Variants in MSRA observed in about 807,000 individuals in gnomAD.
The protein encoded by MSRA is methionine sulfoxide reductase A, also known as mitochondrial peptide methionine sulfoxide reductase.
A neutral mutation model predicts 31.3 loss-of-function variants in MSRA; 54 were observed. The observed-to-expected ratio is 1.73, with a 90% confidence interval of 1.39 to 2.17. The LOEUF (loss-of-function observed/expected upper bound fraction) is 2.17, where lower values mean the gene tolerates loss of function less well. MSRA is among the 30% of genes most tolerant of loss of function. The pLI, the probability that MSRA is intolerant of heterozygous loss-of-function variation, is 0.00. For synonymous variants in MSRA, 169 were observed against 116.5 expected, an observed-to-expected ratio of 1.45 and a Z score of -2.90; for missense variants, 507 against 300.9, an observed-to-expected ratio of 1.69 and a Z score of -5.07.
intron 1 of MSRA, among the ~76,000 whole-genome samples, chr8:10,087,437 G>C (rs927787787): frequency 6.6e-6 from 1 of 152,208 alleles, no homozygotes; most frequent in Non-Finnish European, 1.5e-5. Context: ...GTTGTTCAGA[G>C]AGTGCTGGAG....
intron 3 of MSRA, among the ~76,000 whole-genome samples, chr8:10,254,524 C>G (rs10099182): frequency 6.6e-5 from 10 of 152,038 alleles, no homozygotes; most frequent in Non-Finnish European, 1.5e-4. Context: ...TAGTTTCTTG[C>G]CATGACCACT....
At chr8:10,412,700 A>T (rs1463020120) in intron 5 of MSRA, among the ~76,000 whole-genome samples, 1 of 152,214 alleles carries the variant, frequency 6.6e-6, no homozygotes, top group South Asian at 2.1e-4. Context: ...ACAGAAGGCA[A>T]ATAGGAACGT....
chr8:10,426,134 C>T (rs144240931), intron 5 of MSRA, among the ~76,000 whole-genome samples: 2 of 152,330 alleles, frequency 1.3e-5, no homozygotes, highest in East Asian at 3.9e-4. Context: ...TACTCCATTT[C>T]CAAGGAGGTC....
chr8:10,084,632 T>C (rs1350490702), intron 1 of MSRA, among the ~76,000 whole-genome samples: 3 of 152,204 alleles, frequency 2.0e-5, no homozygotes, highest in Non-Finnish European at 4.4e-5. Context: ...TGCCTTAGTT[T>C]CCTAGGGTGA....
chr8:10,191,590 T>C (rs1807509331), intron 1 of MSRA, among the ~76,000 whole-genome samples: 1 of 152,214 alleles, frequency 6.6e-6, no homozygotes, highest in Admixed American at 6.5e-5. Flanking sequence ...GGTTCAGAAA[T>C]GCCTGTTTTA....
At chr8:10,210,950 G>A (rs886677185) in intron 2 of MSRA, among the ~76,000 whole-genome samples, 2 of 151,586 alleles carry the variant, frequency 1.3e-5, no homozygotes, top group Non-Finnish European at 2.9e-5. Context: ...TGGCCAGGCT[G>A]GTCTCGAACT....
intron 5 of MSRA, among the ~76,000 whole-genome samples, chr8:10,413,382 C>G (rs774875154): frequency 3.1e-4 from 47 of 152,036 alleles, no homozygotes; most frequent in Non-Finnish European, 2.6e-4. Context: ...AGAATTAGTC[C>G]AAGAAAGTCA....
chr8:10,130,574 C>G (rs1251328298), intron 1 of MSRA, among the ~76,000 whole-genome samples: 2 of 152,124 alleles, frequency 1.3e-5, no homozygotes, highest in Non-Finnish European at 2.9e-5. Flanking sequence ...GCTTTGTGGA[C>G]AAGACATTTC....
At chr8:10,257,607 C>A (rs1421132249) in intron 3 of MSRA, among the ~76,000 whole-genome samples, 1 of 152,120 alleles carries the variant, frequency 6.6e-6, no homozygotes, top group African/African-American at 2.4e-5. Context: ...GGGGTTTCAT[C>A]ACGTTGGCCA....
At chr8:10,307,139 T>A (rs978174295) in intron 4 of MSRA, among the ~76,000 whole-genome samples, 7 of 151,168 alleles carry the variant, frequency 4.6e-5, no homozygotes, top group Non-Finnish European at 8.8e-5. Flanking sequence ...CCAAGCTTCC[T>A]GACTAGGAAG....
chr8:10,155,498 C>T (rs531863887), intron 1 of MSRA, among the ~76,000 whole-genome samples: 6 of 152,180 alleles, frequency 3.9e-5, no homozygotes, highest in Non-Finnish European at 8.8e-5. Flanking sequence ...AGCTGAAGAG[C>T]GTAGAAGCTG....
At chr8:10,111,137 CG>C (rs1259416735) in intron 1 of MSRA, among the ~76,000 whole-genome samples, 27 of 152,108 alleles carry the variant, frequency 1.8e-4, no homozygotes, top group Non-Finnish European at 2.6e-4. Flanking sequence ...TATCCAGGGA[CG>C]GGGTGGATCA....
chr8:10,262,391 T>C (rs1798529726), intron 3 of MSRA, among the ~76,000 whole-genome samples: 1 of 152,208 alleles, frequency 6.6e-6, no homozygotes, highest in Non-Finnish European at 1.5e-5. Context: ...TTTGGTGTTG[T>C]TGGTGTTTTG....
At chr8:10,378,274 C>A (rs1318226023) in intron 5 of MSRA, among the ~76,000 whole-genome samples, 1 of 152,128 alleles carries the variant, frequency 6.6e-6, no homozygotes, top group Non-Finnish European at 1.5e-5. Context: ...TAGCAGCCTG[C>A]GTTCCTTCTG....
In MSRA at chr8:10,302,773, T is replaced by C. The variant is rs531845762; in HGVS notation, c.436+1135T>C. Among the ~76,000 whole-genome samples the C allele has an allele frequency of 2.0e-5, 3 of 152,266 alleles. No homozygotes were observed. The East Asian group carries it at 5.8e-4, about 29-fold the overall frequency. On this transcript the variant is annotated intron_variant, in intron 4 of 5. Transcript: ENST00000317173. The stretch of plus-strand genomic sequence containing the variant: ...CTAGGAAGGAGGCCGGGGGCACGAT[T>C]TCCATGACCACAAAGTCTGGTTTGA...
intron 4 of MSRA, among the ~76,000 whole-genome samples, chr8:10,319,326 C>A (rs1480751858): frequency 1.3e-5 from 2 of 152,108 alleles, no homozygotes; most frequent in Admixed American, 1.3e-4. Context: ...TATCATCCAC[C>A]CTTCAGCTGC....
intron 3 of MSRA, among the ~76,000 whole-genome samples, chr8:10,284,333 C>G (rs560922277): frequency 6.6e-6 from 1 of 151,974 alleles, no homozygotes; most frequent in African/African-American, 2.4e-5. Flanking sequence ...GGACTATAGG[C>G]GCCCGCCACC....
chr8:10,144,208 C>T (rs932306349), intron 1 of MSRA, among the ~76,000 whole-genome samples: 5 of 152,150 alleles, frequency 3.3e-5, no homozygotes, highest in Non-Finnish European at 5.9e-5. Context: ...GTGCATATCG[C>T]TAGTCGTAGT....
intron 1 of MSRA, among the ~76,000 whole-genome samples, chr8:10,192,489 C>T (rs1421467817): frequency 6.6e-6 from 1 of 152,210 alleles, no homozygotes; most frequent in Non-Finnish European, 1.5e-5. Flanking sequence ...AGAAATTAGA[C>T]CACTTAACTT....
Sources: gnomAD v4.1 joint callset for allele counts (sites outside exome capture counted in the v4.1 genomes callset) on GRCh38, gnomAD v4.1.1 for gene constraint, MANE v1.5 for transcripts, NCBI Gene and HGNC (gene_info 2026-07-23, HGNC 2026-07-21) for gene names.